The following DNASE1L3 variants were observed in gnomAD, a reference collection of about 807,000 sequenced individuals.
DNASE1L3 encodes the protein deoxyribonuclease 1L3, also known as deoxyribonuclease gamma.
A neutral mutation model predicts 30.9 loss-of-function variants in DNASE1L3; 27 were observed. The ratio of observed to expected loss-of-function variants is 0.87; its 90% CI spans 0.64 to 1.20. The LOEUF (loss-of-function observed/expected upper bound fraction) is 1.20, where lower values mean the gene tolerates loss of function less well. Ranked by LOEUF, DNASE1L3 falls within the 50% of genes most tolerant of loss-of-function variation. The pLI, the probability that DNASE1L3 is intolerant of heterozygous loss-of-function variation, is 0.00. For synonymous variants in DNASE1L3, 135 were observed against 138.0 expected (o/e 0.98, Z 0.15); for missense variants, 364 against 378.2 (o/e 0.96, Z 0.31).
At chr3:58,204,904 C>T (rs1351325607) in intron 3 of DNASE1L3, 23 bp from the exon 4 acceptor site, 2 of 1,609,032 alleles carry the variant, frequency 1.2e-6, no homozygotes. Context: ...AAAGGAAGTC[C>T]TCCCAGCTGA....
chr3:58,210,682 A>G lies in DNASE1L3; in HGVS notation c.141+84T>C, dbSNP rs552426554. On this transcript the variant is annotated intron_variant, in intron 1 of 7. Coordinates refer to ENST00000394549, the MANE Select transcript of DNASE1L3 (RefSeq NM_004944.4). Reference sequence around the variant, plus strand: ...ACATTCCCCCTAAGGGCCAACTTTAAGTTCCTTGAGTCTCTTAAAGTCTGC... The same window carrying G: ...ACATTCCCCCTAAGGGCCAACTTTAGGTTCCTTGAGTCTCTTAAAGTCTGC... 9 of 1,591,306 alleles carry G rather than the reference A, an allele frequency of 5.7e-6. No homozygotes were observed. In the South Asian group the frequency reaches 1.0e-4, roughly 18 times the overall value.
rs768051200 is a variant in DNASE1L3, at chr3:58,204,425, G to A, written c.433+344C>T. The stretch of plus-strand genomic sequence containing the variant: ...CAAAGTGCTGGGATTACAGCCATGC[G>A]CCACCGCACCCAGCCAGGATTTTTA... On this transcript the variant is annotated intron_variant, in intron 4 of 7. Coordinates refer to ENST00000394549, the MANE Select transcript of DNASE1L3 (RefSeq NM_004944.4). 2.0e-5 allele frequency among the ~76,000 whole-genome samples: 3 copies of A among 152,190 alleles called. No individual in the cohort carries two copies. The East Asian group carries it at 5.8e-4, about 29-fold the overall frequency.
intron 5 of DNASE1L3, among the ~76,000 whole-genome samples, chr3:58,199,435 C>T (rs1190836094): frequency 6.6e-6 from 1 of 152,062 alleles, no homozygotes; most frequent in African/African-American, 2.4e-5. Flanking sequence ...TTTGGGAAGC[C>T]GAGGCGGGTG....
intron 5 of DNASE1L3, among the ~76,000 whole-genome samples, chr3:58,199,325 AAGTGACCTGCTCT>A (rs2097399184): frequency 6.6e-6 from 1 of 152,230 alleles, no homozygotes. Flanking sequence ...TTGAGAGATT[AAGTGACCTGCTCT>A]AGGCCACAGG....
chr3:58,207,456 ACCAG>A (rs386661306), intron 2 of DNASE1L3, among the ~76,000 whole-genome samples: 5 of 39,694 alleles, frequency 1.3e-4, no homozygotes, highest in African/African-American at 2.2e-4. Flanking sequence ...CCCCCCCCCC[ACCAG>A]AAGTAACCAC....
At chr3:58,209,057 TG>T (rs1360201340) in intron 1 of DNASE1L3, among the ~76,000 whole-genome samples, 42 of 152,288 alleles carry the variant, frequency 2.8e-4, no homozygotes, top group African/African-American at 9.9e-4. Flanking sequence ...CTGGCCAACA[TG>T]GTGAAACCCG....
At chr3:58,207,533 C>T (rs560476589) in intron 2 of DNASE1L3, among the ~76,000 whole-genome samples, 19 of 148,532 alleles carry the variant, frequency 1.3e-4, no homozygotes, top group Non-Finnish European at 2.7e-4. Flanking sequence ...AACACAAACA[C>T]ACCCTTATTC....
Position 58,192,644 on chromosome 3 carries a change from T to G in DNASE1L3, c.*43A>C. On this transcript the variant is annotated 3_prime_UTR_variant, in exon 8 of 8. Transcript: ENST00000394549. The surrounding 1 kb of genome is among the most constrained non-coding windows in gnomAD (Gnocchi z 4.8). ...CAGTTCATATCTGTTAGAGACATTT[T>G]ATTTAGAGGCAAGAAATGGTTAATA... 6.3e-7 allele frequency: 1 copy of G among 1,580,728 alleles called. No individual in the cohort carries two copies. Among genetic ancestry groups the G allele is most frequent in the Non-Finnish European group, 8.6e-7 (1 of 1,159,524 alleles).
intron 4 of DNASE1L3, among the ~76,000 whole-genome samples, chr3:58,202,023 T>C (rs2097400986): frequency 6.6e-6 from 1 of 152,186 alleles, no homozygotes; most frequent in African/African-American, 2.4e-5. Flanking sequence ...CCCCTTTTTG[T>C]GTGTGTGGCA....
chr3:58,208,109 G>A, intron 2 of DNASE1L3, 109 bp downstream of exon 2: 1 of 1,054,912 alleles, frequency 9.5e-7, no homozygotes, highest in Non-Finnish European at 1.4e-6. Flanking sequence ...CTGGCTGTGT[G>A]AACTGGTGGT....
chr3:58,200,363 C>G lies in DNASE1L3; in HGVS notation c.546+634G>C, dbSNP rs2097399867. ...TGTGGGAAAGAAAATTTATTTTGGT[C>G]TGGAGGCTGCTGGTGGCTGTCCTGC... On this transcript the variant is annotated intron_variant, in intron 5 of 7. Transcript: ENST00000394549. The surrounding 1 kb of genome is among the most constrained non-coding windows in gnomAD (Gnocchi z 4.2). Among the ~76,000 whole-genome samples the G allele has an allele frequency of 6.6e-6, 1 of 152,152 alleles. No homozygotes were observed. The highest frequency in any genetic ancestry group is 1.5e-5 in the Non-Finnish European group (1 of 68,026).
intron 5 of DNASE1L3, among the ~76,000 whole-genome samples, 178 bp from the exon 6 acceptor site, chr3:58,198,156 C>T (rs892692033): frequency 8.5e-5 from 13 of 152,264 alleles, no homozygotes; most frequent in African/African-American, 3.1e-4. Flanking sequence ...AGTTCTAACC[C>T]CCAGCACCTT....
chr3:58,205,879 C>T (rs1010997342), intron 2 of DNASE1L3, among the ~76,000 whole-genome samples: 8 of 152,234 alleles, frequency 5.3e-5, no homozygotes, highest in African/African-American at 1.4e-4. Context: ...TGGCCTGTAC[C>T]TGTGGGAGGC....
intron 4 of DNASE1L3, among the ~76,000 whole-genome samples, chr3:58,202,827 TG>T (rs1322599238): frequency 6.6e-6 from 1 of 151,108 alleles, no homozygotes; most frequent in Non-Finnish European, 1.5e-5. Flanking sequence ...CACTCCAGCC[TG>T]GGCAAGAAGA....
At chr3:58,210,088 CAAAG>C (rs2097406668) in intron 1 of DNASE1L3, among the ~76,000 whole-genome samples, 1 of 138,936 alleles carries the variant, frequency 7.2e-6, no homozygotes, top group African/African-American at 2.7e-5. Context: ...GAAAGAAAGA[CAAAG>C]AGAGGGAGGG....
chr3:58,193,075 CTTTTTTTT>C, intron 7 of DNASE1L3: 1 of 1,272,890 alleles, frequency 7.9e-7, no homozygotes, highest in Non-Finnish European at 9.9e-7. Flanking sequence ...ATCAACCCAT[CTTTTTTTT>C]TTTTTTTTTT....
chr3:58,196,578 CT>C (rs1233914215), intron 6 of DNASE1L3, among the ~76,000 whole-genome samples: 2 of 128,698 alleles, frequency 1.6e-5, no homozygotes, highest in Non-Finnish European at 3.3e-5. Flanking sequence ...AAAAAAAAAA[CT>C]CCGAGAGGAA....
Position 58,210,763 on chromosome 3 carries a change from C to T in DNASE1L3, c.141+3G>A. 1 of 1,614,096 alleles carries T rather than the reference C, an allele frequency of 6.2e-7. No homozygotes were observed. The highest frequency in any genetic ancestry group is 8.5e-7 in the Non-Finnish European group (1 of 1,180,012). ...GGATCCTCCTCCCAGGAAAGGGGCT[C>T]ACCTTCACAATGACATCCATGGCAT... is the stretch of plus-strand genomic sequence containing the variant. On this transcript the variant is annotated splice_donor_region_variant and intron_variant, in intron 1 of 7. Coordinates refer to ENST00000394549, the MANE Select transcript of DNASE1L3 (RefSeq NM_004944.4).
At chr3:58,198,293 AG>A (rs2097398612) in intron 5 of DNASE1L3, among the ~76,000 whole-genome samples, 1 of 152,200 alleles carries the variant, frequency 6.6e-6, no homozygotes, top group South Asian at 2.1e-4. Flanking sequence ...GACACAGAAA[AG>A]TGGAGCAAAG....
Sources: allele counts gnomAD v4.1 joint callset (sites outside exome capture counted in the v4.1 genomes callset), GRCh38; gene constraint gnomAD v4.1.1; non-coding constraint Gnocchi (gnomAD v3.1); transcripts MANE v1.5; gene names NCBI Gene and HGNC (gene_info 2026-07-23, HGNC 2026-07-21).